The following RPS6KC1 variants were observed in gnomAD, a reference collection of about 807,000 sequenced individuals.
RPS6KC1 encodes ribosomal protein S6 kinase C1.
Under a neutral mutation model 103.8 loss-of-function variants are expected in RPS6KC1, and 54 were observed. The ratio of observed to expected loss-of-function variants is 0.52; its 90% confidence interval spans 0.42 to 0.65. The LOEUF is 0.65. Ranked by LOEUF, RPS6KC1 falls within the 30% of genes least tolerant of loss-of-function variation. The probability of loss-of-function intolerance (pLI) is 0.00; values close to 1 mark genes in which losing one functional copy is unlikely to be tolerated. For missense variants in RPS6KC1, 1,151 were observed against 1,253.8 expected, an observed-to-expected ratio of 0.92 and a Z score of 1.24; for synonymous variants, 439 against 438.7, an observed-to-expected ratio of 1.00 and a Z score of -0.01.
chr1:213,320,774 A>G, the RPS6KC1 span, among the ~76,000 whole-genome samples: 27 of 152,228 alleles, frequency 1.8e-4, no homozygotes, highest in African/African-American at 6.5e-4. Context: ...TGGGGAACCA[A>G]CCCCATCTGA....
chr1:213,598,782 A>C, the RPS6KC1 span, among the ~76,000 whole-genome samples: 1 of 152,028 alleles, frequency 6.6e-6, no homozygotes, highest in African/African-American at 2.4e-5. Flanking sequence ...GCCAGGCATG[A>C]TGGTGGCACA....
chr1:213,377,878 T>C, the RPS6KC1 span, among the ~76,000 whole-genome samples: 7 of 152,218 alleles, frequency 4.6e-5, no homozygotes, highest in African/African-American at 1.7e-4. Context: ...AAACCTTGAA[T>C]AAATAGGAAA....
Position 213,232,028 on chromosome 1 carries a change from A to G in RPS6KC1, c.1093-95A>G, listed in dbSNP as rs2094115335. On this transcript the variant is annotated intron_variant, in intron 9 of 14. Transcript: ENST00000366960. ...CTCTGAAGCCCAGAGTAACTCGGAT[A>G]GATTAGTTTGGTTGATAAACACAGA... 6 of 1,467,044 alleles carry G rather than the reference A, an allele frequency of 4.1e-6. No homozygotes were observed. The African/African-American group carries it at 4.2e-5, about 10-fold the overall frequency. The allele number at this position is 1,467,044 out of a possible 1,614,324, so 90.9% of individuals were successfully genotyped here. A position where few individuals can be genotyped will look rare whatever the true frequency, so the allele number is the denominator to read the frequency against.
the RPS6KC1 span, among the ~76,000 whole-genome samples, chr1:213,845,043 C>A: frequency 6.6e-6 from 1 of 151,426 alleles, no homozygotes; most frequent in African/African-American, 2.4e-5. Flanking sequence ...CGCACTTCAA[C>A]CCCCACCCCA....
At chr1:213,419,560 A>G in the RPS6KC1 span, among the ~76,000 whole-genome samples, 2 of 152,156 alleles carry the variant, frequency 1.3e-5, no homozygotes, top group Non-Finnish European at 2.9e-5. Context: ...TCAAACCTAG[A>G]TCTACAGACT....
the RPS6KC1 span, among the ~76,000 whole-genome samples, chr1:213,488,427 C>A: frequency 6.6e-6 from 1 of 152,208 alleles, no homozygotes. Context: ...TCCAACCCTT[C>A]TCCTAGGCTT....
the RPS6KC1 span, among the ~76,000 whole-genome samples, chr1:213,544,737 T>A: frequency 6.6e-6 from 1 of 152,342 alleles, no homozygotes; most frequent in East Asian, 1.9e-4. Context: ...ACTTCTGCAC[T>A]GTGGCTCTCA....
the RPS6KC1 span, among the ~76,000 whole-genome samples, chr1:213,702,739 C>G: frequency 4.6e-5 from 7 of 151,672 alleles, no homozygotes; most frequent in African/African-American, 1.4e-4. Flanking sequence ...TACTCCTGCT[C>G]TGTTTGATTT....
At chr1:213,317,312 AACATCACT>A in the RPS6KC1 span, among the ~76,000 whole-genome samples, 1 of 152,176 alleles carries the variant, frequency 6.6e-6, no homozygotes, top group African/African-American at 2.4e-5. Flanking sequence ...AGGGCCACTC[AACATCACT>A]GATGTTGAGA....
intron 6 of RPS6KC1, among the ~76,000 whole-genome samples, chr1:213,151,685 C>T (rs1217213496): frequency 2.0e-5 from 2 of 100,124 alleles, no homozygotes; most frequent in Non-Finnish European, 4.1e-5. Context: ...CGGGCAGACG[C>T]GCCCCTCACC....
At chr1:213,315,102 C>T in the RPS6KC1 span, among the ~76,000 whole-genome samples, 2 of 152,208 alleles carry the variant, frequency 1.3e-5, no homozygotes, top group East Asian at 3.8e-4. Flanking sequence ...TGTGATAGAA[C>T]AGCAAGCTGC....
At chr1:213,477,708 G>C in the RPS6KC1 span, among the ~76,000 whole-genome samples, 1 of 152,138 alleles carries the variant, frequency 6.6e-6, no homozygotes, top group African/African-American at 2.4e-5. Context: ...TCGTACTTCA[G>C]ATTTTTAAAA....
At chr1:213,669,649 A>G in the RPS6KC1 span, among the ~76,000 whole-genome samples, 10 of 152,292 alleles carry the variant, frequency 6.6e-5, no homozygotes, top group African/African-American at 2.4e-4. Context: ...AAAAAACACA[A>G]TGTCCGTAAA....
At chr1:213,205,072 A>G (rs2093297053) in intron 8 of RPS6KC1, among the ~76,000 whole-genome samples, 2 of 152,272 alleles carry the variant, frequency 1.3e-5, no homozygotes, top group South Asian at 4.1e-4. Flanking sequence ...TGCTTATGGT[A>G]TGTTATAGTA....
chr1:213,265,487 A>C (rs926467867), intron 14 of RPS6KC1, among the ~76,000 whole-genome samples: 5 of 152,196 alleles, frequency 3.3e-5, no homozygotes, highest in Non-Finnish European at 5.9e-5. Flanking sequence ...GTTAATTCTT[A>C]AAAATATTTG....
At chr1:213,797,218 G>T in the RPS6KC1 span, among the ~76,000 whole-genome samples, 2 of 152,180 alleles carry the variant, frequency 1.3e-5, no homozygotes, top group Admixed American at 1.3e-4. Flanking sequence ...TTCCAATCTC[G>T]ATTTACAACA....
chr1:213,244,032 C>T (rs1260993058), intron 12 of RPS6KC1, among the ~76,000 whole-genome samples: 1 of 152,028 alleles, frequency 6.6e-6, no homozygotes, highest in African/African-American at 2.4e-5. Context: ...TTTCCTCCTT[C>T]TTCCTTCAAA....
chr1:213,176,579 A>G, intron 8 of RPS6KC1, 87 bp downstream of exon 8: 2 of 867,048 alleles, frequency 2.3e-6, no homozygotes, highest in East Asian at 2.5e-5. Flanking sequence ...TCTTAAGGAT[A>G]TGAAACAAAA....
At chr1:213,311,194 A>C in the RPS6KC1 span, among the ~76,000 whole-genome samples, 1 of 149,334 alleles carries the variant, frequency 6.7e-6, no homozygotes, top group Admixed American at 6.7e-5. Flanking sequence ...GCTGGAGTGC[A>C]GTGACGCCAT....
Sources: allele counts gnomAD v4.1 joint callset (sites outside exome capture counted in the v4.1 genomes callset), GRCh38; gene constraint gnomAD v4.1.1; transcripts MANE v1.5; gene names NCBI Gene and HGNC (gene_info 2026-07-23, HGNC 2026-07-21).